Variants in CNTNAP5 observed in about 807,000 individuals in gnomAD.
The protein encoded by CNTNAP5 is contactin-associated protein-like 5.
Under a neutral mutation model 150.2 loss-of-function variants are expected in CNTNAP5, and 72 were observed. The observed-to-expected ratio is 0.48, with a 90% CI of 0.40 to 0.58. CNTNAP5 has a LOEUF of 0.58. Ranked by LOEUF, CNTNAP5 falls within the 20% of genes least tolerant of loss-of-function variation. The pLI, the probability that CNTNAP5 is intolerant of heterozygous loss-of-function variation, is 0.00. For synonymous variants in CNTNAP5, 672 were observed against 619.8 expected, an observed-to-expected ratio of 1.08 and a Z score of -1.25; for missense variants, 1,636 against 1,626.2, an observed-to-expected ratio of 1.01 and a Z score of -0.10.
chr2:124,397,474 C>T (rs761968836), intron 3 of CNTNAP5, among the ~76,000 whole-genome samples: 12 of 152,188 alleles, frequency 7.9e-5, no homozygotes, highest in Non-Finnish European at 1.8e-4. Flanking sequence ...CATTCATTCT[C>T]ATGAACTAAT....
In CNTNAP5 at chr2:124,244,005, A is replaced by AT. The variant is rs574235721; in HGVS notation, c.381+1618dup. Among the ~76,000 whole-genome samples, 235 of 152,080 alleles carry AT rather than the reference A, an allele frequency of 1.5e-3. 2 individuals carry two copies. The highest frequency in any genetic ancestry group is 5.0e-3 in the African/African-American group (208 of 41,492). Reference sequence around the variant, plus strand: ...CTTTAGAGGGACAAATCGATGTGGGATTTTTTGTTTTCTCTGGTACTTGTC... The same window carrying AT: ...CTTTAGAGGGACAAATCGATGTGGGATTTTTTTGTTTTCTCTGGTACTTGTC... On this transcript the variant is annotated intron_variant, in intron 3 of 23. Coordinates refer to ENST00000682447, the MANE Select transcript of CNTNAP5 (RefSeq NM_001367498.1).
intron 19 of CNTNAP5, among the ~76,000 whole-genome samples, chr2:124,812,744 C>A (rs1300582351): frequency 6.6e-6 from 1 of 152,054 alleles, no homozygotes; most frequent in Non-Finnish European, 1.5e-5. Context: ...CCTTTCTGGA[C>A]CAAACCAATG....
intron 1 of CNTNAP5, among the ~76,000 whole-genome samples, chr2:124,145,552 C>A (rs1573788715): frequency 2.5e-5 from 1 of 40,232 alleles, no homozygotes; most frequent in East Asian, 6.7e-4. Context: ...GAACAAAAAA[C>A]CAAACACCGC....
intron 3 of CNTNAP5, among the ~76,000 whole-genome samples, chr2:124,326,110 G>A (rs764709933): frequency 4.6e-5 from 7 of 152,136 alleles, no homozygotes; most frequent in Admixed American, 1.3e-4. Flanking sequence ...GTGCAGCCAC[G>A]GGAGACAGCC....
chr2:124,259,744 C>G (rs1053512118), intron 3 of CNTNAP5, among the ~76,000 whole-genome samples: 1 of 152,134 alleles, frequency 6.6e-6, no homozygotes, highest in Admixed American at 6.6e-5. Flanking sequence ...AGAGCCAAAT[C>G]ATCAGTGAAC....
chr2:124,910,248 C>T (rs1033459336), intron 22 of CNTNAP5, among the ~76,000 whole-genome samples: 3 of 151,964 alleles, frequency 2.0e-5, no homozygotes, highest in African/African-American at 7.2e-5. Flanking sequence ...TTGGTTTTTT[C>T]ATTAGCAAGC....
At chr2:124,534,080 T>C (rs893961731) in intron 10 of CNTNAP5, among the ~76,000 whole-genome samples, 2 of 152,146 alleles carry the variant, frequency 1.3e-5, no homozygotes, top group Non-Finnish European at 2.9e-5. Context: ...AGATAAATAT[T>C]GAATGTTTTC....
chr2:124,156,020 G>T (rs1368527139), intron 1 of CNTNAP5, among the ~76,000 whole-genome samples: 1 of 152,212 alleles, frequency 6.6e-6, no homozygotes, highest in Admixed American at 6.5e-5. Flanking sequence ...AGCCCAGTTG[G>T]CCTTGCAAAG....
At chr2:124,168,950 A>C (rs1014694893) in intron 1 of CNTNAP5, among the ~76,000 whole-genome samples, 9 of 152,108 alleles carry the variant, frequency 5.9e-5, no homozygotes, top group Admixed American at 2.0e-4. Context: ...GACATAGCAC[A>C]CCTGACAGCC....
intron 7 of CNTNAP5, among the ~76,000 whole-genome samples, chr2:124,486,406 T>C (rs1693881826): frequency 6.6e-6 from 1 of 152,106 alleles, no homozygotes; most frequent in African/African-American, 2.4e-5. Context: ...ACTAAAGAAC[T>C]TACCGATGTA....
In CNTNAP5 at chr2:124,834,250, G is replaced by A. The variant is rs1682777804; in HGVS notation, c.3218-31056G>A. ...AATTCACAAACTTCAAATTTGAGTG[G>A]TTCATTCTAAAGCTGATGTCTAGTA... On this transcript the variant is annotated intron_variant, in intron 19 of 23. Coordinates refer to ENST00000682447, the MANE Select transcript of CNTNAP5 (RefSeq NM_001367498.1). Among the ~76,000 whole-genome samples the A allele has an allele frequency of 3.3e-5, 5 of 152,196 alleles. No individual in the cohort carries two copies. In the South Asian group the frequency reaches 1.0e-3, roughly 32 times the overall value.
chr2:124,521,832 G>A (rs1694853584), intron 8 of CNTNAP5, among the ~76,000 whole-genome samples: 1 of 152,192 alleles, frequency 6.6e-6, no homozygotes. Context: ...CCTGAAAGAA[G>A]TCAAATGTTC....
At chr2:124,165,892 C>G (rs757566832) in intron 1 of CNTNAP5, among the ~76,000 whole-genome samples, 1 of 152,114 alleles carries the variant, frequency 6.6e-6, no homozygotes, top group Non-Finnish European at 1.5e-5. Flanking sequence ...GCGCAGTGAC[C>G]GGCTCTCTCC....
At chr2:124,114,802 A>G (rs183130930) in intron 1 of CNTNAP5, among the ~76,000 whole-genome samples, 30 of 151,766 alleles carry the variant, frequency 2.0e-4, no homozygotes, top group Admixed American at 3.3e-4. Flanking sequence ...TATTTGCAAT[A>G]TACCAAACAT....
intron 10 of CNTNAP5, among the ~76,000 whole-genome samples, chr2:124,552,663 G>T (rs943443579): frequency 6.6e-6 from 1 of 152,198 alleles, no homozygotes. Flanking sequence ...ATTTGTGTGT[G>T]TATATATGTG....
At chr2:124,340,106 A>T (rs963944821) in intron 3 of CNTNAP5, among the ~76,000 whole-genome samples, 1 of 152,176 alleles carries the variant, frequency 6.6e-6, no homozygotes, top group Non-Finnish European at 1.5e-5. Context: ...TCATATTCAT[A>T]ATCTTGTAGC....
At chr2:124,220,562 A>C (rs1458333786) in intron 1 of CNTNAP5, among the ~76,000 whole-genome samples, 2 of 152,184 alleles carry the variant, frequency 1.3e-5, no homozygotes, top group African/African-American at 4.8e-5. Flanking sequence ...GTCTTAGACC[A>C]TTTTGTATTG....
chr2:124,214,694 T>A (rs1686111927), intron 1 of CNTNAP5, among the ~76,000 whole-genome samples: 2 of 152,222 alleles, frequency 1.3e-5, no homozygotes, highest in South Asian at 4.1e-4. Context: ...TAATTGCTCA[T>A]GAACATAAGG....
At chr2:124,167,606 G>T (rs1240722516) in intron 1 of CNTNAP5, among the ~76,000 whole-genome samples, 2 of 152,104 alleles carry the variant, frequency 1.3e-5, no homozygotes, top group Admixed American at 6.6e-5. Context: ...AAATAATTGT[G>T]GGGCAATGGA....
Sources: allele counts gnomAD v4.1 joint callset (sites outside exome capture counted in the v4.1 genomes callset), GRCh38; gene constraint gnomAD v4.1.1; transcripts MANE v1.5; gene names NCBI Gene and HGNC (gene_info 2026-07-23, HGNC 2026-07-21).